Variants in SYT1 observed in about 807,000 individuals in gnomAD.
SYT1 encodes the protein synaptotagmin-1.
A neutral mutation model predicts 44.8 loss-of-function variants in SYT1; 8 were observed. The observed-to-expected ratio is 0.18, with a 90% CI of 0.10 to 0.32. SYT1 has a LOEUF of 0.32. Among genes scored for constraint, SYT1 ranks in the 10% least tolerant of loss-of-function variants. The pLI, the probability that SYT1 is intolerant of heterozygous loss-of-function variation, is 1.00. For missense variants in SYT1, 286 were observed against 509.3 expected (o/e 0.56, Z 4.22); for synonymous variants, 154 against 188.8 (o/e 0.82, Z 1.51).
At chr12:79,353,748 C>T in intron 9 of SYT1, 129 bp downstream of exon 9, 2 of 731,236 alleles carry the variant, frequency 2.7e-6, no homozygotes, top group Non-Finnish European at 4.9e-6. Context: ...AGCCTGGAAG[C>T]AGTCTCAGAA....
intron 4 of SYT1, among the ~76,000 whole-genome samples, chr12:79,231,533 A>G (rs2138618620): frequency 6.6e-6 from 1 of 152,268 alleles, no homozygotes; most frequent in Non-Finnish European, 1.5e-5. Context: ...TAATAGAAAT[A>G]TATTTGAACT....
intron 4 of SYT1, among the ~76,000 whole-genome samples, chr12:79,284,054 T>C (rs954056309): frequency 6.6e-6 from 1 of 151,860 alleles, no homozygotes; most frequent in Non-Finnish European, 1.5e-5. Context: ...TTGGTTCTAG[T>C]AATGTTTATT....
chr12:79,030,996 A>G (rs1872794801), intron 2 of SYT1, among the ~76,000 whole-genome samples: 1 of 151,070 alleles, frequency 6.6e-6, no homozygotes, highest in African/African-American at 2.4e-5. Context: ...AACAACCACT[A>G]TCTAAACTTT....
intron 3 of SYT1, among the ~76,000 whole-genome samples, chr12:79,199,014 A>T (rs1873625562): frequency 6.6e-6 from 1 of 152,204 alleles, no homozygotes; most frequent in South Asian, 2.1e-4. Context: ...GTCAGTTGAC[A>T]TTCTGATATT....
chr12:78,980,740 G>A (rs993646542), intron 2 of SYT1, among the ~76,000 whole-genome samples: 4 of 151,934 alleles, frequency 2.6e-5, no homozygotes, highest in South Asian at 2.1e-4. Flanking sequence ...CTATATGATC[G>A]TCAAAATTAA....
intron 3 of SYT1, among the ~76,000 whole-genome samples, chr12:79,125,886 A>G (rs1483445040): frequency 1.3e-5 from 2 of 152,170 alleles, no homozygotes; most frequent in African/African-American, 4.8e-5. Flanking sequence ...TCCCCGGCTC[A>G]TCAATCACTA....
chr12:78,933,767 A>AT (rs950904646), intron 1 of SYT1, among the ~76,000 whole-genome samples: 12 of 152,200 alleles, frequency 7.9e-5, no homozygotes, highest in Non-Finnish European at 1.5e-4. Flanking sequence ...CTACAGGCCA[A>AT]TTTTTTTAAT....
intron 2 of SYT1, among the ~76,000 whole-genome samples, chr12:79,024,115 A>G (rs1243507602): frequency 1.3e-5 from 2 of 151,798 alleles, no homozygotes; most frequent in African/African-American, 2.4e-5. Flanking sequence ...GGGCAAACAG[A>G]TGGAAATGCA....
intron 3 of SYT1, among the ~76,000 whole-genome samples, chr12:79,160,604 T>C (rs1404468055): frequency 1.3e-5 from 2 of 152,100 alleles, no homozygotes; most frequent in Non-Finnish European, 2.9e-5. Flanking sequence ...TTAAGAAATA[T>C]AGCAGTTTAG....
At chr12:79,206,079 T>C (rs1194465769) in intron 3 of SYT1, among the ~76,000 whole-genome samples, 1 of 152,204 alleles carries the variant, frequency 6.6e-6, no homozygotes, top group Non-Finnish European at 1.5e-5. Context: ...TTTTATTTTG[T>C]ATTAAAAGAT....
intron 8 of SYT1, among the ~76,000 whole-genome samples, chr12:79,325,848 G>A (rs976886837): frequency 6.6e-6 from 1 of 152,168 alleles, no homozygotes; most frequent in East Asian, 1.9e-4. Context: ...TAGATGAGAT[G>A]CAATATGCAA....
chr12:79,041,799 A>G (rs1270976939), intron 2 of SYT1, among the ~76,000 whole-genome samples: 2 of 151,632 alleles, frequency 1.3e-5, no homozygotes, highest in African/African-American at 4.8e-5. Flanking sequence ...AATACGTCCC[A>G]TCAATACCTA....
At chr12:79,034,706 C>T (rs1873018034) in intron 2 of SYT1, among the ~76,000 whole-genome samples, 1 of 151,646 alleles carries the variant, frequency 6.6e-6, no homozygotes. Flanking sequence ...GGCATATAGC[C>T]TCCTCCAGTG....
intron 3 of SYT1, among the ~76,000 whole-genome samples, chr12:79,187,465 G>C (rs1248296140): frequency 2.0e-5 from 3 of 152,024 alleles, no homozygotes; most frequent in Non-Finnish European, 4.4e-5. Flanking sequence ...AATTGCAACA[G>C]CTGACAAGCA....
intron 9 of SYT1, among the ~76,000 whole-genome samples, chr12:79,388,626 A>G (rs1884532868): frequency 6.6e-6 from 1 of 152,142 alleles, no homozygotes; most frequent in Non-Finnish European, 1.5e-5. Context: ...TCAGAGGATC[A>G]CTTGAGCCAG....
At chr12:79,357,400 T>C (rs1883154341) in intron 9 of SYT1, among the ~76,000 whole-genome samples, 1 of 152,180 alleles carries the variant, frequency 6.6e-6, no homozygotes, top group South Asian at 2.1e-4. Flanking sequence ...AATGTATCAT[T>C]AGGTTATTTG....
intron 9 of SYT1, among the ~76,000 whole-genome samples, chr12:79,388,280 T>C (rs1392603899): frequency 1.3e-5 from 2 of 152,186 alleles, no homozygotes; most frequent in Non-Finnish European, 2.9e-5. Context: ...GCATCACGAG[T>C]GCCTTTACCT....
intron 9 of SYT1, among the ~76,000 whole-genome samples, chr12:79,434,013 T>C (rs1199621385): frequency 1.3e-5 from 2 of 152,220 alleles, no homozygotes; most frequent in Non-Finnish European, 2.9e-5. Context: ...ATGCTGTCCA[T>C]TTGCCAATGT....
At chr12:78,882,243 C>A (rs1410263764) in intron 1 of SYT1, among the ~76,000 whole-genome samples, 2 of 151,644 alleles carry the variant, frequency 1.3e-5, no homozygotes, top group African/African-American at 4.8e-5. Context: ...ATCCCCTAAT[C>A]TTTAAAGAAG....
Sources: gnomAD v4.1 joint callset for allele counts (sites outside exome capture counted in the v4.1 genomes callset) on GRCh38, gnomAD v4.1.1 for gene constraint, MANE v1.5 for transcripts, NCBI Gene and HGNC (gene_info 2026-07-23, HGNC 2026-07-21) for gene names.